CPVL: variants seen among roughly 807,000 people sequenced by gnomAD.
The protein encoded by CPVL is probable serine carboxypeptidase CPVL.
In CPVL, 51 loss-of-function variants were observed where a neutral mutation model predicts 63.7. The observed-to-expected ratio is 0.80, with a 90% CI of 0.64 to 1.01. The LOEUF is 1.01. CPVL is among the 50% of genes least tolerant of loss of function. The probability of loss-of-function intolerance (pLI) is 0.00; values close to 1 mark genes in which losing one functional copy is unlikely to be tolerated. For missense variants in CPVL, 530 were observed against 573.1 expected (o/e 0.92, Z 0.77); for synonymous variants, 195 against 206.0 (o/e 0.95, Z 0.46).
chr7:29,083,300 T>A lies in CPVL; in HGVS notation c.609+3184A>T, dbSNP rs138794540. Among the ~76,000 whole-genome samples, 89 of 152,382 alleles carry A rather than the reference T, an allele frequency of 5.8e-4. 1 individual carries two copies. The East Asian group carries it at 0.016, about 27-fold the overall frequency. The stretch of plus-strand genomic sequence containing the variant: ...TTCCTCTGGCATCATCACTTGGATC[T>A]TCCTCTGGAGACCACTCATTTCCAA... On this transcript the variant is annotated intron_variant, in intron 7 of 12. Coordinates refer to ENST00000265394, the MANE Select transcript of CPVL (RefSeq NM_031311.5).
intron 1 of CPVL, chr7:29,126,541 A>G (rs999558928): frequency 6.6e-5 from 10 of 152,258 alleles, no homozygotes; most frequent in Non-Finnish European, 1.3e-4. Flanking sequence ...AGAAACCTGA[A>G]AATGCCACTG....
At chr7:29,137,723 C>A (rs1008090411) in intron 1 of CPVL, among the ~76,000 whole-genome samples, 6 of 152,014 alleles carry the variant, frequency 3.9e-5, no homozygotes, top group Admixed American at 6.5e-5. Context: ...CCTGTACTCT[C>A]ACTATCTGCC....
At chr7:29,016,116 G>A (rs939425892) in intron 12 of CPVL, among the ~76,000 whole-genome samples, 3 of 152,144 alleles carry the variant, frequency 2.0e-5, no homozygotes, top group African/African-American at 4.8e-5. Flanking sequence ...TTTGGGAGGC[G>A]AAGGCTGGTG....
chr7:29,187,588 G>A (rs904625514), intron 1 of CPVL, among the ~76,000 whole-genome samples: 13 of 152,022 alleles, frequency 8.6e-5, no homozygotes, highest in African/African-American at 3.1e-4. Flanking sequence ...GCTGGGTGTT[G>A]TGGTGTAATC....
intron 1 of CPVL, among the ~76,000 whole-genome samples, chr7:29,137,968 T>G (rs1791422464): frequency 2.0e-5 from 3 of 152,194 alleles, no homozygotes. Context: ...ACTGAAGGGC[T>G]TGATAATTTG....
At chr7:29,097,348 C>T (rs1281340262) in intron 3 of CPVL, among the ~76,000 whole-genome samples, 3 of 152,222 alleles carry the variant, frequency 2.0e-5, no homozygotes, top group Admixed American at 6.5e-5. Context: ...AAGAAGAAAA[C>T]GCATGTCCTC....
At chr7:29,005,387 G>A (rs1047524357) in intron 12 of CPVL, among the ~76,000 whole-genome samples, 1 of 152,062 alleles carries the variant, frequency 6.6e-6, no homozygotes, top group African/African-American at 2.4e-5. Context: ...TCAGAAAAAA[G>A]GATTATAATA....
intron 5 of CPVL, among the ~76,000 whole-genome samples, chr7:29,174,086 G>C (rs868285633): frequency 6.6e-6 from 1 of 152,288 alleles, no homozygotes; most frequent in Middle Eastern, 3.4e-3. Flanking sequence ...ATGGGGAAGA[G>C]GGGGTGCTCT....
At chr7:29,144,826 T>C (rs554740083) in intron 1 of CPVL, among the ~76,000 whole-genome samples, 1 of 152,300 alleles carries the variant, frequency 6.6e-6, no homozygotes, top group Admixed American at 6.5e-5. Context: ...CCCAGTGGAC[T>C]TTCTTAACAC....
At chr7:29,014,394 G>A (rs1381614770) in intron 12 of CPVL, among the ~76,000 whole-genome samples, 5 of 152,236 alleles carry the variant, frequency 3.3e-5, no homozygotes, top group East Asian at 3.9e-4. Context: ...GTGCAGTGGC[G>A]TGAACATAGC....
downstream of CPVL, among the ~76,000 whole-genome samples, chr7:28,994,925 G>A (rs1783933544): frequency 1.3e-5 from 2 of 152,314 alleles, no homozygotes; most frequent in South Asian, 2.1e-4. Context: ...GATGTGCCAG[G>A]ATGTGACATT....
chr7:29,022,185 G>T (rs1434260441), intron 12 of CPVL, among the ~76,000 whole-genome samples: 4 of 152,084 alleles, frequency 2.6e-5, no homozygotes, highest in African/African-American at 9.7e-5. Context: ...AGGACCTGAG[G>T]ACAGGCCCAT....
chr7:29,065,878 A>G (rs532665375), intron 10 of CPVL, 145 bp downstream of exon 10: 2 of 494,664 alleles, frequency 4.0e-6, no homozygotes, highest in South Asian at 3.9e-5. Flanking sequence ...AAAAGATTCT[A>G]TGGGTTAGTA....
At position 29,066,253 on chromosome 7, in the gene CPVL, T is replaced by C. The variant is rs911702353; in HGVS notation, c.865-132A>G. ...TATTGTTTCATCCAGCGCCCACTTA[T>C]TGTGCATATTCTCTGTGCTAGACAC... On this transcript the variant is annotated intron_variant, in intron 9 of 12. Transcript: ENST00000265394. 1.2e-5 allele frequency: 7 copies of C among 604,336 alleles called. No individual in the cohort carries two copies. In the East Asian group the frequency reaches 2.0e-4, roughly 17 times the overall value. The allele number at this position is 604,336 out of a possible 1,614,324, so 37.4% of individuals were successfully genotyped here.
intron 1 of CPVL, chr7:29,125,202 G>T (rs1010961032): frequency 2.0e-5 from 3 of 152,092 alleles, no homozygotes; most frequent in East Asian, 3.8e-4. Context: ...TTGAATTGAT[G>T]AATCTAAATA....
At chr7:29,132,869 A>G (rs1790833124) in intron 1 of CPVL, among the ~76,000 whole-genome samples, 1 of 152,194 alleles carries the variant, frequency 6.6e-6, no homozygotes, top group Non-Finnish European at 1.5e-5. Context: ...TATACAATTG[A>G]AGAAAGACAT....
intron 9 of CPVL, among the ~76,000 whole-genome samples, chr7:29,069,831 T>C (rs974976481): frequency 1.4e-5 from 2 of 143,816 alleles, no homozygotes; most frequent in Non-Finnish European, 3.0e-5. Flanking sequence ...TGTGTGTGCA[T>C]GTAAATGCAT....
chr7:29,156,616 GT>G (rs1464062152), intron 5 of CPVL, among the ~76,000 whole-genome samples: 4 of 151,928 alleles, frequency 2.6e-5, no homozygotes, highest in East Asian at 1.9e-4. Context: ...AACTTTGTGG[GT>G]TTTTTTTCCT....
At chr7:29,079,442 C>G (rs868821226) in intron 7 of CPVL, among the ~76,000 whole-genome samples, 1 of 152,008 alleles carries the variant, frequency 6.6e-6, no homozygotes, top group Non-Finnish European at 1.5e-5. Context: ...GTAAGGCATA[C>G]CTAACCTCAC....
Sources: gnomAD v4.1 joint callset for allele counts (sites outside exome capture counted in the v4.1 genomes callset) on GRCh38, gnomAD v4.1.1 for gene constraint, MANE v1.5 for transcripts, NCBI Gene and HGNC (gene_info 2026-07-23, HGNC 2026-07-21) for gene names.